Variants in MAGEA11 observed in about 807,000 individuals in gnomAD.
MAGEA11 encodes melanoma-associated antigen 11.
Under a neutral mutation model 8.4 loss-of-function variants are expected in MAGEA11, and 1 was observed. The observed-to-expected ratio is 0.12, with a 90% CI of 0.04 to 0.57. MAGEA11 has a LOEUF of 0.57. Among genes scored for constraint, MAGEA11 ranks in the 20% least tolerant of loss-of-function variants. The probability of loss-of-function intolerance (pLI) is 0.91; values close to 1 mark genes in which losing one functional copy is unlikely to be tolerated. For synonymous variants in MAGEA11, 127 were observed against 119.3 expected, an observed-to-expected ratio of 1.06 and a Z score of -0.42; for missense variants, 209 against 317.3, an observed-to-expected ratio of 0.66 and a Z score of 2.59.
In MAGEA11 at chrX:149,692,356, G is replaced by A. The variant is rs181228714; in HGVS notation, c.9+3372G>A. ...TGAGAGGCATAGGTTGCAGTGAGCCGTTATCACAACACTGCACAACAGCTT... is the reference window on the plus strand; with the variant it reads ...TGAGAGGCATAGGTTGCAGTGAGCCATTATCACAACACTGCACAACAGCTT... On this transcript the variant is annotated intron_variant, in intron 1 of 3. Transcript: ENST00000333104. 3.5e-3 allele frequency among the ~76,000 whole-genome samples: 385 copies of A among 110,038 alleles called. 2 individuals are homozygous for A. Among genetic ancestry groups the A allele is most frequent in the African/African-American group, 0.01 (312 of 30,160 alleles).
rs187566340 is a variant in MAGEA11, at chrX:149,704,975, T to A, written c.10-9506T>A. On this transcript the variant is annotated intron_variant, in intron 1 of 3. Transcript: ENST00000333104. ...GGCTTGTTTGCACTGACCCTCAGTC[T>A]GAGTGATGGGCAACCTTGGCTTTGT... Among the ~76,000 whole-genome samples, 14 of 112,869 alleles carry A rather than the reference T, an allele frequency of 1.2e-4. No homozygotes were observed. The East Asian group carries it at 3.9e-3, about 32-fold the overall frequency.
At position 149,716,842 on chromosome X, in the gene MAGEA11, A is replaced by T. The variant is rs2124309039; in HGVS notation, c.*66A>T. On this transcript the variant is annotated 3_prime_UTR_variant, in exon 5 of 5. Transcript: ENST00000355220. ...CAATGCATGCTTCAGGGCCACACCCAGCAGTTTCCCTGTCCTGTGTGAAAT... is the reference window on the plus strand; with the variant it reads ...CAATGCATGCTTCAGGGCCACACCCTGCAGTTTCCCTGTCCTGTGTGAAAT... The T allele has an allele frequency of 1.1e-5, 11 of 1,036,245 alleles. No individual in the cohort carries two copies. The East Asian group carries it at 3.3e-4, about 32-fold the overall frequency. 85.4% of individuals were successfully genotyped at this position (1,036,245 alleles called of 1,213,427 possible). A position where few individuals can be genotyped will look rare whatever the true frequency, so the allele number is the denominator to read the frequency against.
chrX:149,701,322 G>A (rs782712007), intron 1 of MAGEA11, among the ~76,000 whole-genome samples: 13 of 107,698 alleles, frequency 1.2e-4, no homozygotes, highest in African/African-American at 4.4e-4. Context: ...GCCAGTGATG[G>A]TGAGCATTTT....
At chrX:149,711,436 C>T (rs1474015262), upstream of MAGEA11, among the ~76,000 whole-genome samples, 1 of 111,836 alleles carries the variant, frequency 8.9e-6, no homozygotes, top group Non-Finnish European at 1.9e-5. Context: ...GAGGAGCCCC[C>T]GTAGGAAGGT....
chrX:149,707,132 G>A (rs190404437), upstream of MAGEA11, among the ~76,000 whole-genome samples: 348 of 112,169 alleles, frequency 3.1e-3, 1 homozygote, highest in African/African-American at 9.1e-3. Flanking sequence ...TGGCTGTTGG[G>A]TGTTTGGAAA....
chrX:149,705,294 A>T (rs1471649576), intron 1 of MAGEA11, among the ~76,000 whole-genome samples: 1 of 111,478 alleles, frequency 9.0e-6, no homozygotes, highest in Non-Finnish European at 1.9e-5. Flanking sequence ...GGGGGCAGTT[A>T]CCCTATGCTG....
upstream of MAGEA11, among the ~76,000 whole-genome samples, chrX:149,710,354 T>C (rs148848335): frequency 3.8e-3 from 426 of 112,577 alleles, 4 homozygotes; most frequent in African/African-American, 0.013. Flanking sequence ...ATTGCAAAGA[T>C]GGCAATTCTA....
chrX:149,693,046 C>A (rs905272793), intron 1 of MAGEA11, among the ~76,000 whole-genome samples: 28 of 112,295 alleles, frequency 2.5e-4, no homozygotes, highest in African/African-American at 8.4e-4. Flanking sequence ...TGGCAGTGTG[C>A]AAACGGACTG....
intron 3 of MAGEA11, among the ~76,000 whole-genome samples, chrX:149,714,971 T>G (rs1426681379): frequency 9.0e-6 from 1 of 111,270 alleles, no homozygotes; most frequent in Non-Finnish European, 1.9e-5. Context: ...TGGCGTCAGG[T>G]CAACAGAGGG....
In MAGEA11 at chrX:149,713,265, G is replaced by A; in HGVS notation, c.96+10G>A. On this transcript the variant is annotated intron_variant, in intron 2 of 4. Coordinates refer to ENST00000355220, the MANE Select transcript of MAGEA11 (RefSeq NM_005366.5). ...AGACTTTGGACTCCAGGTCAGTAGG[G>A]ACCTTGGCCCTTGGAGTTCCAAGGC... The A allele has an allele frequency of 8.9e-7, 1 of 1,119,885 alleles. No homozygotes were observed. The allele number at this position is 1,119,885 out of a possible 1,213,427, so 92.3% of individuals were successfully genotyped here. A position where few individuals can be genotyped will look rare whatever the true frequency, so the allele number is the denominator to read the frequency against.
At chrX:149,705,483 C>T (rs782561484) in intron 1 of MAGEA11, among the ~76,000 whole-genome samples, 2 of 112,435 alleles carry the variant, frequency 1.8e-5, no homozygotes, top group East Asian at 5.6e-4. Context: ...AATTAAACCC[C>T]TTTCTTTTTT....
intron 1 of MAGEA11, among the ~76,000 whole-genome samples, chrX:149,689,889 C>G (rs184280968): frequency 4.6e-4 from 52 of 112,303 alleles, no homozygotes; most frequent in African/African-American, 1.7e-3. Context: ...TGTTCTTCTA[C>G]ATATTTATCT....
At position 149,693,674 on chromosome X, in the gene MAGEA11, T is replaced by G. The variant is rs782048429; in HGVS notation, c.9+4690T>G. 5.3e-5 allele frequency among the ~76,000 whole-genome samples: 6 copies of G among 112,378 alleles called. No individual in the cohort carries two copies. In the South Asian group the frequency reaches 2.2e-3, roughly 42 times the overall value. On this transcript the variant is annotated intron_variant, in intron 1 of 3. Coordinates refer to the MAGEA11 transcript ENST00000333104. ...TTGTGCCATATCAAATTCCAGAACA[T>G]TTTCATTATCCCCAAGAGAAAACAC...
At chrX:149,708,082 G>C (rs781821947), upstream of MAGEA11, among the ~76,000 whole-genome samples, 2 of 112,586 alleles carry the variant, frequency 1.8e-5, no homozygotes, top group Non-Finnish European at 3.7e-5. Flanking sequence ...TGCTTACTCT[G>C]TGGATAGTTT....
At chrX:149,712,476 C>T (rs1331271877) in intron 1 of MAGEA11, among the ~76,000 whole-genome samples, 3 of 112,111 alleles carry the variant, frequency 2.7e-5, no homozygotes, top group Non-Finnish European at 5.6e-5. Context: ...ACGCAAAGGA[C>T]CTCCGGGCTT....
Position 149,716,014 on chromosome X carries a change from G to T in MAGEA11, c.528G>T (p.Gln176His). 8.3e-7 allele frequency: 1 copy of T among 1,211,862 alleles called. No individual in the cohort carries two copies. Among genetic ancestry groups the T allele is most frequent in the African/African-American group, 1.7e-5 (1 of 57,793 alleles). ...CACCAAGTCCTCCCCAGAGTCCTCAGGAAGAGTCCTTCTCTCCCACTGCCA... is the reference window on the plus strand; with the variant it reads ...CACCAAGTCCTCCCCAGAGTCCTCATGAAGAGTCCTTCTCTCCCACTGCCA... ...AESPSPPQSP[Q>H]EESFSPTAMD... is the part of the protein sequence containing the mutation. The change falls in exon 5 of 5, where the codon CAG becomes CAT. Residue 176 changes from glutamine to histidine, a missense_variant. By Grantham distance (24) the Gln-to-His change is conservative (BLOSUM62 0). This residue lies in a region of MAGEA11 where 131 missense variants were observed against 138.5 expected (regional missense o/e 0.95). Coordinates refer to ENST00000355220, the MANE Select transcript of MAGEA11 (RefSeq NM_005366.5).
Position 149,716,239 on chromosome X carries a change from T to A in MAGEA11, c.753T>A (p.Ser251Arg), listed in dbSNP as rs41312624. 4.1e-3 allele frequency: 4,964 copies of A among 1,209,758 alleles called. 9 individuals carry two copies. Among genetic ancestry groups the A allele is most frequent in the South Asian group, 5.7e-3 (325 of 56,773 alleles). The change falls in exon 5 of 5, where the codon AGT (serine) becomes AGA (arginine). Residue 251 changes from serine to arginine, a missense_variant. Ser to Arg is a moderately radical substitution (Grantham distance 110, BLOSUM62 -1). Transcript: ENST00000355220. ...TCACAAAGGCAGAAATGCTGGGGAGTGTCATCAAAAATTATGAGGACTACT... is the reference window on the plus strand; with the variant it reads ...TCACAAAGGCAGAAATGCTGGGGAGAGTCATCAAAAATTATGAGGACTACT... ...GLITKAEMLGSVIKNYEDYFP... is the reference protein window; with the variant it reads ...GLITKAEMLGRVIKNYEDYFP...
chrX:149,701,727 T>G, intron 1 of MAGEA11, among the ~76,000 whole-genome samples: 1 of 110,938 alleles, frequency 9.0e-6, no homozygotes, highest in Admixed American at 9.6e-5. Flanking sequence ...TTAATCCATC[T>G]TGAATTAATT....
chrX:149,702,249 C>G (rs2090357567), intron 1 of MAGEA11, among the ~76,000 whole-genome samples: 1 of 111,080 alleles, frequency 9.0e-6, no homozygotes, highest in Admixed American at 9.6e-5. Flanking sequence ...TCTTGTTATA[C>G]CTTTATTGAA....
Sources: gnomAD v4.1 joint callset for allele counts (sites outside exome capture counted in the v4.1 genomes callset) on GRCh38, gnomAD v4.1.1 for gene constraint, gnomAD v4.1.1 regional missense constraint, MANE v1.5 for transcripts, NCBI Gene and HGNC (gene_info 2026-07-23, HGNC 2026-07-21) for gene names.